Variants in PELI2 observed in about 807,000 individuals in gnomAD.
PELI2 encodes the protein E3 ubiquitin-protein ligase pellino homolog 2.
Under a neutral mutation model 42.3 loss-of-function variants are expected in PELI2, and 23 were observed. The observed-to-expected ratio is 0.54, with a 90% CI of 0.39 to 0.77. PELI2 has a LOEUF of 0.77. Ranked by LOEUF, PELI2 falls within the 30% of genes least tolerant of loss-of-function variation. The pLI is 0.00. For synonymous variants in PELI2, 245 were observed against 212.2 expected (o/e 1.15, Z -1.34); for missense variants, 463 against 553.2 (o/e 0.84, Z 1.64).
intron 1 of PELI2, among the ~76,000 whole-genome samples, chr14:56,120,242 C>T (rs4901637): frequency 0.41 from 61,607 of 152,098 alleles, 14,807 homozygotes; most frequent in Admixed American, 0.57. Flanking sequence ...CCAACCTAAT[C>T]TTGTGGAGTT....
At chr14:56,173,922 G>T (rs1396845829) in intron 1 of PELI2, among the ~76,000 whole-genome samples, 1 of 152,166 alleles carries the variant, frequency 6.6e-6, no homozygotes, top group Non-Finnish European at 1.5e-5. Flanking sequence ...TTTCTTTTGA[G>T]ACTGAGTCTT....
chr14:56,251,677 C>G (rs1037374879), intron 2 of PELI2, among the ~76,000 whole-genome samples: 1 of 152,256 alleles, frequency 6.6e-6, no homozygotes, highest in South Asian at 2.1e-4. Context: ...AATTGGTAAG[C>G]AAAATCAAGT....
chr14:56,146,823 C>T (rs1884143156), intron 1 of PELI2, among the ~76,000 whole-genome samples: 1 of 151,710 alleles, frequency 6.6e-6, no homozygotes, highest in South Asian at 2.1e-4. Flanking sequence ...TCTTTATATG[C>T]CATACCTCAC....
chr14:56,297,240 T>G lies in PELI2; in HGVS notation c.*74T>G. 1 of 975,484 alleles carries G rather than the reference T, an allele frequency of 1.0e-6. No homozygotes were observed. Among genetic ancestry groups the G allele is most frequent in the African/African-American group, 1.6e-5 (1 of 61,576 alleles). 60.4% of individuals were successfully genotyped at this position (975,484 alleles called of 1,614,324 possible). A position where few individuals can be genotyped will look rare whatever the true frequency, so the allele number is the denominator to read the frequency against. On this transcript the variant is annotated 3_prime_UTR_variant, in exon 6 of 6. Coordinates refer to ENST00000267460, the MANE Select transcript of PELI2 (RefSeq NM_021255.3). Reference sequence around the variant, plus strand: ...TTTGCCACTAACTCTAGATTTTACCTTTTTGTAATGCTGTTTATCAGAGGA... The same window carrying G: ...TTTGCCACTAACTCTAGATTTTACCGTTTTGTAATGCTGTTTATCAGAGGA...
intron 2 of PELI2, among the ~76,000 whole-genome samples, chr14:56,229,881 T>C (rs987451939): frequency 3.9e-5 from 6 of 152,136 alleles, no homozygotes; most frequent in African/African-American, 1.4e-4. Context: ...CTAACCAGAA[T>C]AAACAGCCTA....
intron 2 of PELI2, among the ~76,000 whole-genome samples, chr14:56,212,992 C>T (rs1402627357): frequency 6.6e-6 from 1 of 152,186 alleles, no homozygotes; most frequent in African/African-American, 2.4e-5. Flanking sequence ...GTTCGTGTGC[C>T]CTTTTCAGGA....
intron 2 of PELI2, among the ~76,000 whole-genome samples, chr14:56,189,581 C>T (rs1487663622): frequency 1.3e-5 from 2 of 152,162 alleles, no homozygotes; most frequent in South Asian, 2.1e-4. Context: ...ATGCCTACTA[C>T]GTGGTAGCAG....
At chr14:56,145,955 A>G (rs1566605183) in intron 1 of PELI2, among the ~76,000 whole-genome samples, 1 of 152,246 alleles carries the variant, frequency 6.6e-6, no homozygotes, top group Non-Finnish European at 1.5e-5. Context: ...TTACAGCTAT[A>G]AACCAAAGCC....
chr14:56,178,582 G>A, intron 2 of PELI2, 118 bp downstream of exon 2: 10 of 1,159,874 alleles, frequency 8.6e-6, no homozygotes, highest in Non-Finnish European at 1.3e-5. Context: ...CAGACCATTT[G>A]AGGCTGGATA....
Position 56,299,215 on chromosome 14 carries a change from G to A in PELI2, c.*2049G>A, listed in dbSNP as rs1890101465. 6.6e-6 allele frequency: 1 copy of A among 152,152 alleles called. No individual in the cohort carries two copies. The highest frequency in any genetic ancestry group is 2.1e-4 in the South Asian group (1 of 4,830). The allele number at this position is 152,152 out of a possible 1,614,324, so 9.4% of individuals were successfully genotyped here. A position where few individuals can be genotyped will look rare whatever the true frequency, so the allele number is the denominator to read the frequency against. ...CAGATTTTACCTACCAAGAAAAAAAGATATTTTTCCAGAGAGTTAGGTATA... is the reference window on the plus strand; with the variant it reads ...CAGATTTTACCTACCAAGAAAAAAAAATATTTTTCCAGAGAGTTAGGTATA... On this transcript the variant is annotated 3_prime_UTR_variant, in exon 6 of 6. Transcript: ENST00000267460.
At chr14:56,248,480 G>C (rs892856102) in intron 2 of PELI2, among the ~76,000 whole-genome samples, 8 of 151,986 alleles carry the variant, frequency 5.3e-5, no homozygotes, top group African/African-American at 1.9e-4. Flanking sequence ...TCACACAAGA[G>C]GTGGCTTACC....
intron 1 of PELI2, among the ~76,000 whole-genome samples, chr14:56,168,872 G>A (rs115975107): frequency 1.3e-5 from 2 of 152,044 alleles, no homozygotes; most frequent in Non-Finnish European, 2.9e-5. Flanking sequence ...GGGTTCAAGG[G>A]CTCTTCAGTT....
Position 56,179,363 on chromosome 14 carries a change from A to G in PELI2, c.207+899A>G, listed in dbSNP as rs544072693. On this transcript the variant is annotated intron_variant, in intron 2 of 5. Coordinates refer to ENST00000267460, the MANE Select transcript of PELI2 (RefSeq NM_021255.3). Reference sequence around the variant, plus strand: ...TTTTGGAAGAAAAAGGAATGGCTTCATGGAAGCATGTGTGATATTTATATG... The same window carrying G: ...TTTTGGAAGAAAAAGGAATGGCTTCGTGGAAGCATGTGTGATATTTATATG... 2.0e-4 allele frequency among the ~76,000 whole-genome samples: 30 copies of G among 152,332 alleles called. No individual in the cohort carries two copies. The South Asian group carries it at 6.2e-3, about 32-fold the overall frequency.
rs371881364 is a variant in PELI2 at position 56,144,716 on chromosome 14, T to C, written c.77+25979T>C. ...ATGTATAAAATTTTGTAAAGATGATTATAAAATTTTGTAAAGACATGATGA... is the reference window on the plus strand; with the variant it reads ...ATGTATAAAATTTTGTAAAGATGATCATAAAATTTTGTAAAGACATGATGA... On this transcript the variant is annotated intron_variant, in intron 1 of 5. Coordinates refer to ENST00000267460, the MANE Select transcript of PELI2 (RefSeq NM_021255.3). 4.6e-5 allele frequency among the ~76,000 whole-genome samples: 7 copies of C among 152,346 alleles called. No individual in the cohort carries two copies. In the South Asian group the frequency reaches 1.4e-3, roughly 32 times the overall value.
intron 2 of PELI2, among the ~76,000 whole-genome samples, chr14:56,232,304 A>C (rs1048940098): frequency 2.8e-4 from 43 of 152,110 alleles, no homozygotes; most frequent in Non-Finnish European, 1.0e-4. Flanking sequence ...GAGACACAAC[A>C]AAAAAAGAGA....
At chr14:56,141,745 A>G (rs1485909150) in intron 1 of PELI2, among the ~76,000 whole-genome samples, 1 of 152,080 alleles carries the variant, frequency 6.6e-6, no homozygotes, top group Non-Finnish European at 1.5e-5. Flanking sequence ...GCATGGGGGA[A>G]ACCACCCCCA....
At chr14:56,278,505 T>TATTTTTTAG (rs1889369504) in intron 2 of PELI2, among the ~76,000 whole-genome samples, 1 of 152,190 alleles carries the variant, frequency 6.6e-6, no homozygotes, top group African/African-American at 2.4e-5. Flanking sequence ...CTTTAAGAAG[T>TATTTTTTAG]ATTTTTTAGA....
chr14:56,248,881 C>A (rs1888249286), intron 2 of PELI2, among the ~76,000 whole-genome samples: 1 of 151,922 alleles, frequency 6.6e-6, no homozygotes, highest in African/African-American at 2.4e-5. Flanking sequence ...TCCTGCCATG[C>A]CACTTGTAGA....
chr14:56,296,495 C>G, intron 5 of PELI2, 105 bp from the exon 6 acceptor site: 1 of 752,516 alleles, frequency 1.3e-6, no homozygotes, highest in East Asian at 2.6e-5. Context: ...AATTGCTTCC[C>G]TGTGTTATCT....
Sources: allele counts gnomAD v4.1 joint callset (sites outside exome capture counted in the v4.1 genomes callset), GRCh38; gene constraint gnomAD v4.1.1; transcripts MANE v1.5; gene names NCBI Gene and HGNC (gene_info 2026-07-23, HGNC 2026-07-21).